NBAS: variants seen among roughly 807,000 people sequenced by gnomAD.
The protein encoded by NBAS is NBAS subunit of NRZ tethering complex.
NBAS carries 219 observed loss-of-function variants against 302.5 expected under a neutral mutation model. The observed-to-expected ratio is 0.72, with a 90% CI of 0.65 to 0.81. The LOEUF (loss-of-function observed/expected upper bound fraction) is 0.81, where lower values mean the gene tolerates loss of function less well. Ranked by LOEUF, NBAS falls within the 30% of genes least tolerant of loss-of-function variation. The pLI, the probability that NBAS is intolerant of heterozygous loss-of-function variation, is 0.00. For missense variants in NBAS, 2,932 were observed against 2,841.6 expected (o/e 1.03, Z -0.72); for synonymous variants, 1,118 against 1,021.6 (o/e 1.09, Z -1.80).
intron 16 of NBAS, among the ~76,000 whole-genome samples, chr2:15,472,496 C>T (rs1378224449): frequency 1.3e-5 from 2 of 152,234 alleles, no homozygotes; most frequent in East Asian, 3.9e-4. Context: ...AATTATCTAC[C>T]AGCCTTGAGC....
chr2:15,466,305 G>C (rs1307363286), intron 19 of NBAS, among the ~76,000 whole-genome samples: 2 of 152,120 alleles, frequency 1.3e-5, no homozygotes, highest in African/African-American at 4.8e-5. Flanking sequence ...ACACAAAAGG[G>C]AGGCAGAACA....
intron 50 of NBAS, among the ~76,000 whole-genome samples, chr2:15,180,689 G>A (rs371514068): frequency 5.9e-5 from 9 of 152,222 alleles, no homozygotes; most frequent in African/African-American, 1.4e-4. Context: ...GCCCAATACC[G>A]CAGCCACAAG....
chr2:15,233,559 G>T (rs930528738), intron 46 of NBAS, among the ~76,000 whole-genome samples: 4 of 152,012 alleles, frequency 2.6e-5, no homozygotes, highest in African/African-American at 9.7e-5. Context: ...TATGAAATAT[G>T]GCCAACAAAT....
chr2:15,440,108 T>G (rs1470136221), intron 21 of NBAS, among the ~76,000 whole-genome samples: 1 of 152,220 alleles, frequency 6.6e-6, no homozygotes, highest in African/African-American at 2.4e-5. Flanking sequence ...ACAGCAGTAA[T>G]CTCTGCAGAC....
chr2:15,525,329 T>C (rs534352272), intron 9 of NBAS, among the ~76,000 whole-genome samples: 12 of 152,294 alleles, frequency 7.9e-5, no homozygotes, highest in African/African-American at 2.9e-4. Flanking sequence ...CCCTCCTTGG[T>C]GCTTGAAGAA....
downstream of NBAS, among the ~76,000 whole-genome samples, chr2:15,162,172 T>A (rs1373478373): frequency 1.3e-5 from 2 of 152,212 alleles, no homozygotes; most frequent in Non-Finnish European, 2.9e-5. Context: ...CAATCCAGTG[T>A]TTTCTTCCAA....
the NBAS span, among the ~76,000 whole-genome samples, chr2:15,000,684 G>A: frequency 1.3e-5 from 2 of 152,254 alleles, no homozygotes; most frequent in South Asian, 2.1e-4. Flanking sequence ...ATTTAATACC[G>A]AGAGGTGAAG....
At chr2:15,180,476 T>C (rs2125120276) in intron 50 of NBAS, 1 of 152,416 alleles carries the variant, frequency 6.6e-6, no homozygotes, top group South Asian at 2.1e-4. Flanking sequence ...GGCAGACTTT[T>C]CATCCGGGAT....
chr2:15,381,218 T>C (rs2148377552), intron 29 of NBAS, among the ~76,000 whole-genome samples: 1 of 152,296 alleles, frequency 6.6e-6, no homozygotes, highest in South Asian at 2.1e-4. Flanking sequence ...TAGATTTCTG[T>C]TCTACAGGCT....
At chr2:15,533,124 C>T (rs2111453) in intron 9 of NBAS, among the ~76,000 whole-genome samples, 96,906 of 151,888 alleles carry the variant, frequency 0.64, 31,630 homozygotes, top group Non-Finnish European at 0.68. Flanking sequence ...CCATCGAGAG[C>T]ACTAACGAGA....
chr2:15,400,528 T>G (rs550254824), intron 26 of NBAS, among the ~76,000 whole-genome samples: 1 of 151,886 alleles, frequency 6.6e-6, no homozygotes, highest in African/African-American at 2.4e-5. Flanking sequence ...AATTGCAAAA[T>G]CAAAAAATAA....
chr2:15,530,735 G>GA (rs36102936), intron 9 of NBAS, among the ~76,000 whole-genome samples: 1 of 150,658 alleles, frequency 6.6e-6, no homozygotes. Flanking sequence ...AGAATTAAAA[G>GA]AAAAAAAAAT....
intron 25 of NBAS, among the ~76,000 whole-genome samples, chr2:15,414,837 C>T (rs1304255419): frequency 6.6e-6 from 1 of 151,950 alleles, no homozygotes; most frequent in Non-Finnish European, 1.5e-5. Flanking sequence ...CCCAGCTACT[C>T]GGAAGGCTGA....
In NBAS at chr2:15,277,066, T is replaced by C. The variant is rs1669618955; in HGVS notation, c.5174A>G (p.Asp1725Gly). 2 of 1,613,854 alleles carry C rather than the reference T, an allele frequency of 1.2e-6. No individual in the cohort carries two copies. The highest frequency in any genetic ancestry group is 2.7e-5 in the African/African-American group (2 of 75,034). The change falls in exon 43 of 52, where the codon GAC (aspartate) becomes GGC (glycine). Residue 1725 changes from aspartate (D) to glycine (G), a missense_variant. Asp to Gly is a moderately conservative substitution (Grantham distance 94). Coordinates refer to ENST00000281513, the MANE Select transcript of NBAS (RefSeq NM_015909.4). ...CTTCAAAGTCTCAAAGAGATGAAGG[T>C]CTTGGGCTCTATTTTCAATTTCTAG... ...STLEIENRAQ[D>G]LHLFETLKTD...
intron 45 of NBAS, among the ~76,000 whole-genome samples, chr2:15,237,757 C>T (rs1025752184): frequency 2.4e-4 from 35 of 146,328 alleles, no homozygotes; most frequent in African/African-American, 8.3e-4. Flanking sequence ...CCACCACACC[C>T]GGCTAATGTT....
chr2:14,801,607 T>C, the NBAS span, among the ~76,000 whole-genome samples: 1 of 152,184 alleles, frequency 6.6e-6, no homozygotes, highest in South Asian at 2.1e-4. Flanking sequence ...TTCATCATTC[T>C]ATTCCCTGTA....
the NBAS span, among the ~76,000 whole-genome samples, chr2:15,104,228 T>C: frequency 1.3e-5 from 2 of 152,200 alleles, no homozygotes; most frequent in Non-Finnish European, 2.9e-5. Flanking sequence ...CTCATTCACC[T>C]TCTGTCATGA....
intron 40 of NBAS, among the ~76,000 whole-genome samples, chr2:15,293,204 G>T (rs12613488): frequency 0.57 from 87,264 of 151,994 alleles, 27,461 homozygotes; most frequent in East Asian, 0.84. Flanking sequence ...AATAACAAAG[G>T]TGCAGTTCAA....
the NBAS span, among the ~76,000 whole-genome samples, chr2:14,875,490 C>A: frequency 6.6e-6 from 1 of 152,032 alleles, no homozygotes; most frequent in African/African-American, 2.4e-5. Context: ...GTGGTGGGCA[C>A]CTGTAATCCC....
Sources: allele counts gnomAD v4.1 joint callset (sites outside exome capture counted in the v4.1 genomes callset), GRCh38; gene constraint gnomAD v4.1.1; transcripts MANE v1.5; gene names NCBI Gene and HGNC (gene_info 2026-07-23, HGNC 2026-07-21).